CPA6: variants seen among roughly 807,000 people sequenced by gnomAD.
CPA6 encodes carboxypeptidase A6.
CPA6 carries 58 observed loss-of-function variants against 63.3 expected under a neutral mutation model. The ratio of observed to expected loss-of-function variants is 0.92; its 90% CI spans 0.74 to 1.14. The LOEUF (loss-of-function observed/expected upper bound fraction) is 1.14. Ranked by LOEUF, CPA6 falls within the 50% of genes most tolerant of loss-of-function variation. The pLI, the probability that CPA6 is intolerant of heterozygous loss-of-function variation, is 0.00. For missense variants in CPA6, 565 were observed against 526.6 expected (o/e 1.07, Z -0.71); for synonymous variants, 185 against 179.0 (o/e 1.03, Z -0.27).
At chr8:67,699,515 AC>A (rs1816978211) in intron 1 of CPA6, among the ~76,000 whole-genome samples, 1 of 152,124 alleles carries the variant, frequency 6.6e-6, no homozygotes, top group South Asian at 2.1e-4. Context: ...AAACAAACAA[AC>A]AAACATTTAC....
intron 1 of CPA6, among the ~76,000 whole-genome samples, chr8:67,710,265 A>G (rs1817227601): frequency 6.6e-6 from 1 of 152,114 alleles, no homozygotes; most frequent in Non-Finnish European, 1.5e-5. Context: ...CTAGGTAACC[A>G]CCTTTGGAGA....
At chr8:67,658,460 G>A (rs1176187340) in intron 1 of CPA6, among the ~76,000 whole-genome samples, 5 of 151,982 alleles carry the variant, frequency 3.3e-5, no homozygotes, top group Admixed American at 2.0e-4. Flanking sequence ...ATCCTCCCCC[G>A]TACCCACCTC....
chr8:67,495,952 C>T (rs1401196733), intron 6 of CPA6, among the ~76,000 whole-genome samples: 1 of 152,186 alleles, frequency 6.6e-6, no homozygotes, highest in Non-Finnish European at 1.5e-5. Context: ...AGTTTACTCA[C>T]ATAGACTGTA....
At chr8:67,446,483 A>T (rs1282699435) in intron 8 of CPA6, among the ~76,000 whole-genome samples, 2 of 152,158 alleles carry the variant, frequency 1.3e-5, no homozygotes, top group Admixed American at 6.5e-5. Context: ...AGTAAAAAAA[A>T]TTAGAAAAGA....
At position 67,422,482 on chromosome 8, in the gene CPA6, T is replaced by G. The variant is rs751748037; in HGVS notation, c.*22A>C. 16 of 1,604,678 alleles carry G rather than the reference T, an allele frequency of 1.0e-5. No individual in the cohort carries two copies. Among genetic ancestry groups the G allele is most frequent in the African/African-American group, 2.7e-5 (2 of 74,644 alleles). ...GGCCTTGCTCAGAATCCTATGGCAG[T>G]TGACCTGAGCCTTGGGCTGTCTCAG... is the stretch of plus-strand genomic sequence containing the variant. On this transcript the variant is annotated 3_prime_UTR_variant, in exon 11 of 11. Transcript: ENST00000297770.
At chr8:67,494,908 A>G (rs974415375) in intron 6 of CPA6, among the ~76,000 whole-genome samples, 1 of 152,218 alleles carries the variant, frequency 6.6e-6, no homozygotes, top group Non-Finnish European at 1.5e-5. Context: ...AGGCCTGTGA[A>G]TCAGGTATTC....
At chr8:67,538,414 G>A (rs1441734094) in intron 2 of CPA6, among the ~76,000 whole-genome samples, 1 of 150,336 alleles carries the variant, frequency 6.7e-6, no homozygotes, top group Non-Finnish European at 1.5e-5. Context: ...TCTTCTTGTT[G>A]TATTGATCCC....
intron 2 of CPA6, among the ~76,000 whole-genome samples, chr8:67,518,434 A>G (rs1812193235): frequency 1.3e-5 from 2 of 152,018 alleles, no homozygotes; most frequent in Non-Finnish European, 2.9e-5. Context: ...ACACTGTGGT[A>G]GCTGGGGAGT....
At chr8:67,601,823 A>G (rs1390450545) in intron 2 of CPA6, among the ~76,000 whole-genome samples, 3 of 152,178 alleles carry the variant, frequency 2.0e-5, no homozygotes, top group South Asian at 2.1e-4. Context: ...TTTGAAACAC[A>G]TCTATAAAAG....
intron 6 of CPA6, among the ~76,000 whole-genome samples, chr8:67,484,997 G>C (rs1229523125): frequency 6.6e-6 from 1 of 152,208 alleles, no homozygotes; most frequent in Non-Finnish European, 1.5e-5. Context: ...TTTTAGCAGA[G>C]CTGTTAAAAG....
At chr8:67,645,883 T>C (rs17346597) in intron 1 of CPA6, among the ~76,000 whole-genome samples, 42,060 of 152,128 alleles carry the variant, frequency 0.28, 5,980 homozygotes, top group African/African-American at 0.34. Context: ...TACTGGTTTC[T>C]AGTTCTTTCT....
At chr8:67,581,295 T>A (rs544740023) in intron 2 of CPA6, among the ~76,000 whole-genome samples, 1 of 152,324 alleles carries the variant, frequency 6.6e-6, no homozygotes, top group East Asian at 1.9e-4. Context: ...TAAACATGAA[T>A]GTACTATGTA....
At chr8:67,552,773 T>C (rs574936884) in intron 2 of CPA6, among the ~76,000 whole-genome samples, 73 of 8,696 alleles carry the variant, frequency 8.4e-3, no homozygotes, top group Non-Finnish European at 0.019. Flanking sequence ...CAAGACTGTC[T>C]CAAAAAAAAA....
At chr8:67,493,536 GA>G (rs141849493) in intron 6 of CPA6, among the ~76,000 whole-genome samples, 370 of 152,258 alleles carry the variant, frequency 2.4e-3, no homozygotes, top group African/African-American at 8.5e-3. Flanking sequence ...CTGCTTCCCT[GA>G]AAGTCTCCTA....
chr8:67,500,378 A>T (rs778134241), intron 6 of CPA6, among the ~76,000 whole-genome samples: 1 of 151,806 alleles, frequency 6.6e-6, no homozygotes, highest in Non-Finnish European at 1.5e-5. Flanking sequence ...CCATTTTCTC[A>T]TTGGATTGCT....
At chr8:67,566,186 G>T (rs1813332468) in intron 2 of CPA6, among the ~76,000 whole-genome samples, 2 of 152,200 alleles carry the variant, frequency 1.3e-5, no homozygotes, top group Non-Finnish European at 2.9e-5. Flanking sequence ...AATAGTATTA[G>T]TCATTAGTTT....
At chr8:67,637,945 C>A (rs1587659171) in intron 1 of CPA6, among the ~76,000 whole-genome samples, 1 of 150,700 alleles carries the variant, frequency 6.6e-6, no homozygotes, top group East Asian at 1.9e-4. Flanking sequence ...CCTGAAATAT[C>A]CTTCCAGAAG....
At chr8:67,517,507 A>G (rs941498027) in intron 3 of CPA6, among the ~76,000 whole-genome samples, 2 of 152,112 alleles carry the variant, frequency 1.3e-5, no homozygotes, top group Non-Finnish European at 2.9e-5. Context: ...TCTGACTTGC[A>G]CTTCATACAC....
At chr8:67,462,349 G>A (rs751769935) in intron 8 of CPA6, among the ~76,000 whole-genome samples, 20 of 152,170 alleles carry the variant, frequency 1.3e-4, no homozygotes, top group Admixed American at 3.3e-4. Context: ...TAAAATAGCA[G>A]CCTCATTCTG....
Sources: gnomAD v4.1 joint callset for allele counts (sites outside exome capture counted in the v4.1 genomes callset) on GRCh38, gnomAD v4.1.1 for gene constraint, MANE v1.5 for transcripts, NCBI Gene and HGNC (gene_info 2026-07-23, HGNC 2026-07-21) for gene names.